Variants in XPOT observed in about 807,000 individuals in gnomAD.
The protein encoded by XPOT is exportin for tRNA.
XPOT carries 34 observed loss-of-function variants against 128.2 expected under a neutral mutation model. The observed-to-expected ratio is 0.27, with a 90% CI of 0.20 to 0.35. XPOT has a LOEUF of 0.35. Among genes scored for constraint, XPOT ranks in the 10% least tolerant of loss-of-function variants. The pLI, the probability that XPOT is intolerant of heterozygous loss-of-function variation, is 1.00. For synonymous variants in XPOT, 348 were observed against 394.3 expected (o/e 0.88, Z 1.39); for missense variants, 838 against 1,125.3 (o/e 0.74, Z 3.65).
intron 16 of XPOT, 66 bp from the exon 17 acceptor site, chr12:64,429,983 C>T (rs2040225228): frequency 1.4e-6 from 2 of 1,420,020 alleles, no homozygotes; most frequent in African/African-American, 1.4e-5. Flanking sequence ...TCCTAATGCA[C>T]TTTTTCTCAT....
Position 64,435,688 on chromosome 12 carries a change from T to A in XPOT, c.2733+14T>A, listed in dbSNP as rs1483612167. 3.1e-6 allele frequency: 5 copies of A among 1,593,508 alleles called. No individual in the cohort carries two copies. Reference sequence around the variant, plus strand: ...CATCTCAAACGGGTAAGCCTTTTAGTCCATGCCCCTTCATTTTCATCTCAC... The same window carrying A: ...CATCTCAAACGGGTAAGCCTTTTAGACCATGCCCCTTCATTTTCATCTCAC... On this transcript the variant is annotated intron_variant, in intron 22 of 24. Transcript: ENST00000332707.
intron 21 of XPOT, 152 bp downstream of exon 21, chr12:64,435,061 T>C (rs1002352470): frequency 1.6e-6 from 1 of 639,866 alleles, no homozygotes; most frequent in South Asian, 2.2e-5. Flanking sequence ...TTATGATACC[T>C]TCTGGAGTTT....
chr12:64,427,585 T>TCAA (rs1272196183), intron 15 of XPOT, among the ~76,000 whole-genome samples: 2 of 152,056 alleles, frequency 1.3e-5, no homozygotes, highest in Non-Finnish European at 1.5e-5. Flanking sequence ...AACCTCAACC[T>TCAA]CCTCAGGCTC....
chr12:64,417,954 A>C (rs915523764), intron 4 of XPOT, 92 bp from the exon 5 acceptor site: 2 of 947,896 alleles, frequency 2.1e-6, no homozygotes, highest in Non-Finnish European at 3.2e-6. Context: ...GAGCTATACA[A>C]ATTTTCCCTT....
intron 23 of XPOT, among the ~76,000 whole-genome samples, chr12:64,443,716 A>G (rs2136040236): frequency 6.6e-6 from 1 of 152,154 alleles, no homozygotes; most frequent in East Asian, 1.9e-4. Context: ...TGACCTCCCA[A>G]AGTGCTGGGA....
intron 15 of XPOT, among the ~76,000 whole-genome samples, chr12:64,426,439 A>C (rs1050206261): frequency 1.3e-5 from 2 of 152,172 alleles, no homozygotes; most frequent in Admixed American, 1.3e-4. Context: ...TTAACGCAGA[A>C]ACAAAAAAAC....
rs2040075949 is a variant in XPOT at position 64,415,100 on chromosome 12, T to G, written c.143+111T>G. The G allele has an allele frequency of 4.1e-6, 3 of 723,162 alleles. No homozygotes were observed. The South Asian group carries it at 5.3e-5, about 13-fold the overall frequency. The allele number at this position is 723,162 out of a possible 1,614,324, so 44.8% of individuals were successfully genotyped here. ...TTCATAAAAACATTTTATGACTTTT[T>G]TTTTTTTTTGCAAAGCCATTAACAT... On this transcript the variant is annotated intron_variant, in intron 3 of 24. Transcript: ENST00000332707.
At position 64,434,870 on chromosome 12, in the gene XPOT, A is replaced by G; in HGVS notation, c.2646A>G (p.Leu882=). 1 of 1,612,376 alleles carries G rather than the reference A, an allele frequency of 6.2e-7. No homozygotes were observed. Among genetic ancestry groups the G allele is most frequent in the Non-Finnish European group, 8.5e-7 (1 of 1,179,998 alleles). Residue 882 remains leucine (L), a synonymous_variant, in exon 21 of 25, where the codon TTA becomes TTG. Transcript: ENST00000332707. ...TCCCCGCATGTTTCCTAGCACCTTT[A>G]AAACAAACCTTTGACCTGGCAGATG... is the stretch of plus-strand genomic sequence containing the variant. The part of the protein sequence containing the change: ...HIVPACFLAP[L]KQTFDLADAQ...
At position 64,414,536 on chromosome 12, in the gene XPOT, A is replaced by G. The variant is rs542703267; in HGVS notation, c.61-371A>G. ...AGTGCCCTTCACGTGCCATTTTATA[A>G]TTGCATATTATAAAATGATCACACC... On this transcript the variant is annotated intron_variant, in intron 2 of 24. Transcript: ENST00000332707. 1.8e-4 allele frequency among the ~76,000 whole-genome samples: 28 copies of G among 152,248 alleles called. 1 individual carries two copies. In the South Asian group the frequency reaches 5.6e-3, roughly 30 times the overall value.
intron 9 of XPOT, among the ~76,000 whole-genome samples, chr12:64,422,278 C>T (rs1227325094): frequency 2.6e-5 from 4 of 152,172 alleles, no homozygotes; most frequent in African/African-American, 9.7e-5. Flanking sequence ...TCAAGTCAAA[C>T]TTAAAATATG....
At chr12:64,405,872 T>C (rs1212427183) in intron 1 of XPOT, among the ~76,000 whole-genome samples, 1 of 152,218 alleles carries the variant, frequency 6.6e-6, no homozygotes, top group Non-Finnish European at 1.5e-5. Context: ...CGCCTCAGCC[T>C]CCCAAAGTGC....
chr12:64,420,077 G>A lies in XPOT; in HGVS notation c.497G>A (p.Arg166His), dbSNP rs200582083. The A allele has an allele frequency of 6.1e-5, 96 of 1,563,544 alleles. No individual in the cohort carries two copies. The highest frequency in any genetic ancestry group is 9.6e-5 in the African/African-American group (7 of 72,564). Residue 166 changes from arginine (R) to histidine (H), a missense_variant, in exon 7 of 25, where the codon CGT becomes CAT. Physicochemically the swap from Arg to His is conservative, Grantham distance 29. Coordinates refer to ENST00000332707, the MANE Select transcript of XPOT (RefSeq NM_007235.6). ...TGGCGTTTTGTATTTTAGGAGGCTC[G>A]TAGGAATACTCTCATAAAAGATACC... ...RDVVHTSEEA[R>H]RNTLIKDTMR...
At chr12:64,439,372 C>T in intron 23 of XPOT, 57 bp downstream of exon 23, 1 of 1,460,290 alleles carries the variant, frequency 6.8e-7, no homozygotes, top group Non-Finnish European at 9.6e-7. Context: ...AGCAGCATTG[C>T]CTGTGACATT....
At chr12:64,410,193 A>G (rs1331331971) in intron 2 of XPOT, 98 bp downstream of exon 2, 2 of 1,050,456 alleles carry the variant, frequency 1.9e-6, no homozygotes, top group Non-Finnish European at 2.8e-6. Context: ...TACTTTGGGT[A>G]GAAATGAACA....
At chr12:64,418,169 T>A in intron 5 of XPOT, 54 bp downstream of exon 5, 2 of 1,501,252 alleles carry the variant, frequency 1.3e-6, no homozygotes, top group South Asian at 2.4e-5. Context: ...TAAACTTATT[T>A]TTTGCAAGAG....
chr12:64,440,096 A>G (rs567638287), intron 23 of XPOT, among the ~76,000 whole-genome samples: 6 of 152,310 alleles, frequency 3.9e-5, no homozygotes, highest in African/African-American at 1.4e-4. Context: ...TTGCATAACT[A>G]AGACTTTATA....
At chr12:64,439,827 G>A (rs1319146781) in intron 23 of XPOT, among the ~76,000 whole-genome samples, 17 of 152,214 alleles carry the variant, frequency 1.1e-4, no homozygotes, top group Non-Finnish European at 1.6e-4. Context: ...TTGTTTCTTG[G>A]CATATAATTT....
rs1336030935 is a variant in XPOT, at chr12:64,450,981, C to T, written c.*2850C>T. On this transcript the variant is annotated 3_prime_UTR_variant, in exon 25 of 25. Transcript: ENST00000332707. ...CTGTGAGTTTTACTGGTGGAAGGAA[C>T]TTTAACAGGTCTTCGCTCTTGTCAT... The T allele has an allele frequency of 6.6e-6, 1 of 152,226 alleles. No homozygotes were observed. The highest frequency in any genetic ancestry group is 1.5e-5 in the Non-Finnish European group (1 of 68,032). 9.4% of individuals were successfully genotyped at this position (152,226 alleles called of 1,614,324 possible).
chr12:64,443,657 G>T (rs573309743), intron 23 of XPOT, among the ~76,000 whole-genome samples: 1 of 152,124 alleles, frequency 6.6e-6, no homozygotes, highest in African/African-American at 2.4e-5. Flanking sequence ...GTTCCACCAT[G>T]TTGGCTAGGC....
Sources: allele counts gnomAD v4.1 joint callset (sites outside exome capture counted in the v4.1 genomes callset), GRCh38; gene constraint gnomAD v4.1.1; transcripts MANE v1.5; gene names NCBI Gene and HGNC (gene_info 2026-07-23, HGNC 2026-07-21).